The following SAMD8 variants were observed in gnomAD, a reference collection of about 807,000 sequenced individuals.
SAMD8 encodes the protein sterile alpha motif domain containing 8.
SAMD8 carries 20 observed loss-of-function variants against 42.0 expected under a neutral mutation model. The observed-to-expected ratio is 0.48, with a 90% CI of 0.34 to 0.69. The LOEUF (loss-of-function observed/expected upper bound fraction) is 0.69, where lower values mean the gene tolerates loss of function less well. Ranked by LOEUF, SAMD8 falls within the 30% of genes least tolerant of loss-of-function variation. The pLI, the probability that SAMD8 is intolerant of heterozygous loss-of-function variation, is 0.01. For missense variants in SAMD8, 328 were observed against 511.6 expected, an observed-to-expected ratio of 0.64 and a Z score of 3.46; for synonymous variants, 162 against 173.0, an observed-to-expected ratio of 0.94 and a Z score of 0.50.
At chr10:75,111,654 C>T (rs1589926966), upstream of SAMD8, 14 of 1,241,514 alleles carry the variant, frequency 1.1e-5, no homozygotes, top group Non-Finnish European at 1.4e-5. Context: ...GGGGAGGGCC[C>T]CGGACTCCGA....
chr10:75,113,587 T>TG (rs141878713), intron 1 of SAMD8, among the ~76,000 whole-genome samples: 2,192 of 152,326 alleles, frequency 0.014, 49 homozygotes, highest in African/African-American at 0.05. Context: ...CTTCATGAGA[T>TG]GATAATTTGA....
At chr10:75,121,286 G>A (rs1288755370) in intron 1 of SAMD8, among the ~76,000 whole-genome samples, 1 of 152,156 alleles carries the variant, frequency 6.6e-6, no homozygotes, top group African/African-American at 2.4e-5. Context: ...AACCTAGGCA[G>A]TTTAATTCTA....
At chr10:75,115,433 G>A (rs1848854518) in intron 1 of SAMD8, among the ~76,000 whole-genome samples, 1 of 152,166 alleles carries the variant, frequency 6.6e-6, no homozygotes, top group Admixed American at 6.6e-5. Context: ...ACAGATTGGT[G>A]TTTACATGCT....
At chr10:75,128,158 C>T (rs368701497) in intron 1 of SAMD8, among the ~76,000 whole-genome samples, 12 of 150,724 alleles carry the variant, frequency 8.0e-5, no homozygotes, top group Non-Finnish European at 1.5e-4. Context: ...TTGCAACCTC[C>T]GCCTCCCAGG....
At chr10:75,165,729 A>G (rs376241391) in intron 3 of SAMD8, among the ~76,000 whole-genome samples, 11 of 151,614 alleles carry the variant, frequency 7.3e-5, no homozygotes, top group African/African-American at 2.7e-4. Context: ...TAACCCCAGT[A>G]CTTTAGGAGG....
At chr10:75,163,620 A>C (rs372373723) in intron 2 of SAMD8, among the ~76,000 whole-genome samples, 5 of 151,984 alleles carry the variant, frequency 3.3e-5, no homozygotes, top group African/African-American at 1.2e-4. Flanking sequence ...TTTTTTGTAG[A>C]GACCTGGGAG....
At chr10:75,132,972 G>C (rs1037094908) in intron 1 of SAMD8, among the ~76,000 whole-genome samples, 1 of 151,708 alleles carries the variant, frequency 6.6e-6, no homozygotes, top group Admixed American at 6.6e-5. Flanking sequence ...CTGAGCAACA[G>C]AGCAAGAGTC....
chr10:75,139,227 C>T (rs1839962905), intron 1 of SAMD8, among the ~76,000 whole-genome samples: 1 of 152,018 alleles, frequency 6.6e-6, no homozygotes, highest in Non-Finnish European at 1.5e-5. Context: ...CCTCGGCCTT[C>T]CAACGTACTG....
chr10:75,155,342 A>G (rs746615406), intron 2 of SAMD8, among the ~76,000 whole-genome samples: 1 of 152,154 alleles, frequency 6.6e-6, no homozygotes, highest in African/African-American at 2.4e-5. Context: ...GCAAATTCAG[A>G]TGTCAAGGAA....
At chr10:75,166,772 C>T (rs111555048) in intron 3 of SAMD8, among the ~76,000 whole-genome samples, 52 of 152,324 alleles carry the variant, frequency 3.4e-4, no homozygotes, top group African/African-American at 1.2e-3. Context: ...TTTATCTACT[C>T]TTCAAAACTG....
At chr10:75,137,289 C>G (rs918661250) in intron 1 of SAMD8, among the ~76,000 whole-genome samples, 1 of 152,136 alleles carries the variant, frequency 6.6e-6, no homozygotes, top group African/African-American at 2.4e-5. Context: ...CCTGTAATCC[C>G]AGCACTTTGG....
At chr10:75,122,050 A>G (rs1849016784) in intron 1 of SAMD8, among the ~76,000 whole-genome samples, 1 of 152,192 alleles carries the variant, frequency 6.6e-6, no homozygotes, top group Non-Finnish European at 1.5e-5. Flanking sequence ...ACAGTGAAAA[A>G]TAATACTGCT....
At chr10:75,108,341 G>T, upstream of SAMD8, 1 of 1,435,804 alleles carries the variant, frequency 7.0e-7, no homozygotes, top group Non-Finnish European at 9.1e-7. Flanking sequence ...CAAGCTCCAA[G>T]TGGGGTCTGA....
At chr10:75,120,865 C>A (rs1848990270) in intron 1 of SAMD8, among the ~76,000 whole-genome samples, 2 of 148,106 alleles carry the variant, frequency 1.4e-5, no homozygotes, top group South Asian at 4.3e-4. Flanking sequence ...ACTGCAGCCT[C>A]CGCCTCCCAG....
At chr10:75,144,945 C>A (rs1316033316) in intron 1 of SAMD8, among the ~76,000 whole-genome samples, 1 of 152,222 alleles carries the variant, frequency 6.6e-6, no homozygotes, top group Non-Finnish European at 1.5e-5. Context: ...AACCAGCGCC[C>A]TTGAATTGTT....
chr10:75,153,120 T>C (rs61859874), intron 2 of SAMD8, among the ~76,000 whole-genome samples: 3,369 of 151,940 alleles, frequency 0.022, 81 homozygotes, highest in Middle Eastern at 0.034. Flanking sequence ...TAACTGGGAT[T>C]ACAGGCACCC....
At chr10:75,122,929 C>T (rs984820190) in intron 1 of SAMD8, among the ~76,000 whole-genome samples, 1 of 152,034 alleles carries the variant, frequency 6.6e-6, no homozygotes, top group African/African-American at 2.4e-5. Flanking sequence ...AAATATTGAA[C>T]CAGCCTTGCA....
chr10:75,161,229 A>G (rs1241441084), intron 2 of SAMD8, among the ~76,000 whole-genome samples: 1 of 152,184 alleles, frequency 6.6e-6, no homozygotes, highest in African/African-American at 2.4e-5. Context: ...TTAAAAGTCT[A>G]TATACCAATC....
At chr10:75,150,109 T>G (rs541737389) in intron 1 of SAMD8, among the ~76,000 whole-genome samples, 62 of 142,288 alleles carry the variant, frequency 4.4e-4, no homozygotes, top group Non-Finnish European at 8.7e-4. Context: ...TATATATATA[T>G]AGTTTTTTGT....
Sources: allele counts gnomAD v4.1 joint callset (sites outside exome capture counted in the v4.1 genomes callset), GRCh38; gene constraint gnomAD v4.1.1; transcripts MANE v1.5; gene names NCBI Gene and HGNC (gene_info 2026-07-23, HGNC 2026-07-21).